The following LPP variants were observed in gnomAD, a reference collection of about 807,000 sequenced individuals.
The protein encoded by LPP is lipoma-preferred partner.
A neutral mutation model predicts 60.4 loss-of-function variants in LPP; 38 were observed. The observed-to-expected ratio is 0.63, with a 90% confidence interval of 0.49 to 0.83. The LOEUF (loss-of-function observed/expected upper bound fraction) is 0.83. Ranked by LOEUF, LPP falls within the 40% of genes least tolerant of loss-of-function variation. LPP has a pLI of 0.00. For synonymous variants in LPP, 328 were observed against 290.8 expected (o/e 1.13, Z -1.30); for missense variants, 902 against 783.6 (o/e 1.15, Z -1.80).
chr3:188,602,412 A>T (rs1841545152), intron 6 of LPP, among the ~76,000 whole-genome samples: 1 of 151,516 alleles, frequency 6.6e-6, no homozygotes, highest in Non-Finnish European at 1.5e-5. Context: ...AGAAGCAGCA[A>T]ATTAGGGATT....
At chr3:188,416,825 TG>T (rs1342551560) in intron 4 of LPP, among the ~76,000 whole-genome samples, 1 of 152,194 alleles carries the variant, frequency 6.6e-6, no homozygotes, top group Non-Finnish European at 1.5e-5. Flanking sequence ...CTCTTGCTAT[TG>T]TGTTGCTTTG....
chr3:188,555,475 A>G (rs879735273), intron 6 of LPP, among the ~76,000 whole-genome samples: 5 of 152,088 alleles, frequency 3.3e-5, no homozygotes, highest in Non-Finnish European at 5.9e-5. Context: ...CTTGGTAGGT[A>G]TAGTTGGTGT....
intron 9 of LPP, among the ~76,000 whole-genome samples, chr3:188,790,067 G>C (rs79562213): frequency 6.6e-6 from 1 of 152,062 alleles, no homozygotes; most frequent in Non-Finnish European, 1.5e-5. Context: ...GACAGTAGGC[G>C]TATTTGCATA....
intron 9 of LPP, among the ~76,000 whole-genome samples, chr3:188,812,748 G>T (rs568360999): frequency 1.3e-5 from 2 of 149,826 alleles, no homozygotes; most frequent in Non-Finnish European, 3.0e-5. Flanking sequence ...CTCATGCCCA[G>T]GAGCTAATTA....
intron 3 of LPP, among the ~76,000 whole-genome samples, chr3:188,348,221 A>T (rs755844698): frequency 1.3e-5 from 2 of 151,674 alleles, no homozygotes; most frequent in Non-Finnish European, 2.9e-5. Flanking sequence ...ACCTTGGCTC[A>T]CTGCAACCTC....
At chr3:188,776,794 C>CTCCA (rs2150785684) in intron 9 of LPP, among the ~76,000 whole-genome samples, 1 of 152,300 alleles carries the variant, frequency 6.6e-6, no homozygotes, top group South Asian at 2.1e-4. Flanking sequence ...ACTGAAGATT[C>CTCCA]TCCAACCCAA....
chr3:188,432,627 T>G (rs1239354820), intron 4 of LPP, among the ~76,000 whole-genome samples: 2 of 152,034 alleles, frequency 1.3e-5, no homozygotes, highest in Non-Finnish European at 2.9e-5. Context: ...GAGGATAGAA[T>G]AAAGAAATGA....
At chr3:188,830,432 G>A (rs184591938) in intron 9 of LPP, among the ~76,000 whole-genome samples, 19 of 151,706 alleles carry the variant, frequency 1.3e-4, no homozygotes, top group East Asian at 9.7e-4. Flanking sequence ...GTGAAACCTC[G>A]TCTCTACTAA....
At chr3:188,408,394 G>A (rs1269296954) in intron 4 of LPP, among the ~76,000 whole-genome samples, 2 of 152,086 alleles carry the variant, frequency 1.3e-5, no homozygotes, top group African/African-American at 4.8e-5. Flanking sequence ...AATTTGACAT[G>A]CCCTCCTTGT....
intron 7 of LPP, among the ~76,000 whole-genome samples, chr3:188,684,062 C>CA (rs1176371241): frequency 2.0e-5 from 3 of 152,232 alleles, no homozygotes; most frequent in African/African-American, 7.2e-5. Flanking sequence ...GAAGATTCTG[C>CA]AGTCAAACTG....
In LPP at chr3:188,612,891, G is replaced by A. The variant is rs185782939; in HGVS notation, c.1113+3047G>A. Among the ~76,000 whole-genome samples, 15 of 152,160 alleles carry A rather than the reference G, an allele frequency of 9.9e-5. No homozygotes were observed. In the East Asian group the frequency reaches 1.7e-3, roughly 18 times the overall value. ...ATATAGTAAAAAAGAGGAGAGACAGGATGGGGAAAAGGAGAAAGGAAAGAA... is the reference window on the plus strand; with the variant it reads ...ATATAGTAAAAAAGAGGAGAGACAGAATGGGGAAAAGGAGAAAGGAAAGAA... On this transcript the variant is annotated intron_variant, in intron 7 of 11. Transcript: ENST00000617246.
At chr3:188,790,786 A>C (rs1466398985) in intron 9 of LPP, among the ~76,000 whole-genome samples, 2 of 150,124 alleles carry the variant, frequency 1.3e-5, no homozygotes, top group African/African-American at 2.5e-5. Context: ...ATGCCACTGC[A>C]CTCCAGCCTG....
At chr3:188,236,236 A>C (rs1329756717) in intron 2 of LPP, among the ~76,000 whole-genome samples, 2 of 152,190 alleles carry the variant, frequency 1.3e-5, no homozygotes, top group Non-Finnish European at 2.9e-5. Context: ...AAGAAGAAAA[A>C]TAATTGAGGT....
At chr3:188,363,905 C>CAA (rs541715135) in intron 3 of LPP, among the ~76,000 whole-genome samples, 9,608 of 96,150 alleles carry the variant, frequency 0.1, 390 homozygotes, top group Non-Finnish European at 0.14. Context: ...AACTCCCTCC[C>CAA]AAAAAAAAAA....
At chr3:188,488,493 T>C (rs1156534619) in intron 5 of LPP, among the ~76,000 whole-genome samples, 1 of 152,096 alleles carries the variant, frequency 6.6e-6, no homozygotes, top group Non-Finnish European at 1.5e-5. Context: ...ATTAATTCAT[T>C]TGTTCTTCAT....
At chr3:188,212,401 G>C (rs1405431344) in intron 1 of LPP, among the ~76,000 whole-genome samples, 6 of 152,168 alleles carry the variant, frequency 3.9e-5, no homozygotes, top group African/African-American at 1.4e-4. Context: ...TGGAAGGGTT[G>C]AGAATCCACT....
rs182205419 is a variant in LPP, at chr3:188,517,164, G to A, written c.307-7501G>A. ...CTATTTAATTTTTACAACTGCATGA[G>A]GGACCCGAGAGCTCAGGTGAATTGT... On this transcript the variant is annotated intron_variant, in intron 5 of 11. Coordinates refer to ENST00000617246, the MANE Select transcript of LPP (RefSeq NM_001375462.1). Among the ~76,000 whole-genome samples, 175 of 152,206 alleles carry A rather than the reference G, an allele frequency of 1.1e-3. 2 individuals are homozygous for A. The highest frequency in any genetic ancestry group is 8.9e-3 in the South Asian group (43 of 4,812).
At chr3:188,782,597 G>C (rs1333160964) in intron 9 of LPP, among the ~76,000 whole-genome samples, 2 of 152,064 alleles carry the variant, frequency 1.3e-5, no homozygotes, top group Non-Finnish European at 2.9e-5. Flanking sequence ...GAAGATACCT[G>C]TCATGTCATG....
intron 2 of LPP, among the ~76,000 whole-genome samples, chr3:188,303,616 C>T (rs927535103): frequency 3.3e-5 from 5 of 152,010 alleles, no homozygotes; most frequent in African/African-American, 1.2e-4. Flanking sequence ...ATGTCACCAG[C>T]GGTGGTAGGA....
Sources: allele counts gnomAD v4.1 joint callset (sites outside exome capture counted in the v4.1 genomes callset), GRCh38; gene constraint gnomAD v4.1.1; transcripts MANE v1.5; gene names NCBI Gene and HGNC (gene_info 2026-07-23, HGNC 2026-07-21).